Variants in USP26 observed in about 807,000 individuals in gnomAD.
USP26 encodes the protein ubiquitin specific peptidase 26.
For synonymous variants in USP26, 236 were observed against 240.6 expected, an observed-to-expected ratio of 0.98 and a Z score of 0.18; for missense variants, 649 against 642.3, an observed-to-expected ratio of 1.01 and a Z score of -0.11.
chrX:133,074,878 G>A (rs2067542446), intron 5 of USP26, among the ~76,000 whole-genome samples: 1 of 112,177 alleles, frequency 8.9e-6, no homozygotes, highest in African/African-American at 3.2e-5. Context: ...TACCAGGACA[G>A]AAGTAAAAAT....
chrX:133,042,488 C>T (rs2067423537), intron 5 of USP26, among the ~76,000 whole-genome samples: 1 of 111,439 alleles, frequency 9.0e-6, no homozygotes, highest in African/African-American at 3.3e-5. Context: ...TGAAGTAATG[C>T]CCCACCCTGC....
At position 133,045,105 on chromosome X, in the gene USP26, C is replaced by T. The variant is rs148450394; in HGVS notation, c.-76-16809G>A. On this transcript the variant is annotated intron_variant, in intron 5 of 5. Transcript: ENST00000511190. Reference sequence around the variant, plus strand: ...GCTGATCTGGTGGGGACTTAGAGAACCTTTTTGTCTAGCTAAGGGATTGTG... The same window carrying T: ...GCTGATCTGGTGGGGACTTAGAGAATCTTTTTGTCTAGCTAAGGGATTGTG... Among the ~76,000 whole-genome samples, 621 of 111,669 alleles carry T rather than the reference C, an allele frequency of 5.6e-3. 4 individuals carry two copies. Among genetic ancestry groups the T allele is most frequent in the East Asian group, 0.043 (153 of 3,533 alleles).
intron 5 of USP26, among the ~76,000 whole-genome samples, chrX:133,064,532 A>C (rs920972852): frequency 1.8e-5 from 2 of 111,981 alleles, no homozygotes; most frequent in Non-Finnish European, 3.8e-5. Context: ...AGCTTCTCAG[A>C]CCACAGTGCA....
chrX:133,042,436 G>C (rs1296157747), intron 5 of USP26, among the ~76,000 whole-genome samples: 1 of 111,359 alleles, frequency 9.0e-6, no homozygotes, highest in Admixed American at 9.5e-5. Flanking sequence ...GCCTTCCCTT[G>C]GCTGAGGGAG....
chrX:133,053,564 A>T (rs1320075855), intron 5 of USP26, among the ~76,000 whole-genome samples: 2 of 110,207 alleles, frequency 1.8e-5, no homozygotes, highest in Non-Finnish European at 3.8e-5. Flanking sequence ...GGAAAAAAAA[A>T]GTATAGAGGG....
At chrX:133,074,738 T>C (rs2067542041) in intron 5 of USP26, among the ~76,000 whole-genome samples, 1 of 112,524 alleles carries the variant, frequency 8.9e-6, no homozygotes, top group South Asian at 3.7e-4. Context: ...GTCCAAACTT[T>C]TAACACAGTG....
intron 5 of USP26, among the ~76,000 whole-genome samples, chrX:133,037,190 T>C (rs1478832209): frequency 8.9e-6 from 1 of 112,412 alleles, no homozygotes; most frequent in Admixed American, 9.4e-5. Flanking sequence ...TAGATCCCAT[T>C]TGTCAATTTT....
intron 4 of USP26, among the ~76,000 whole-genome samples, chrX:133,088,483 G>A (rs976082620): frequency 3.6e-5 from 4 of 111,148 alleles, no homozygotes; most frequent in Non-Finnish European, 5.7e-5. Context: ...TTGCTCGCCC[G>A]GCTGCTTACC....
At position 133,025,581 on chromosome X, in the gene USP26, GATGTACC is replaced by G. The variant is rs2067342608; in HGVS notation, c.2633_2639del (p.Gly878AlafsTer14). On this transcript the variant is annotated frameshift_variant, in exon 6 of 6. Coordinates refer to ENST00000511190, the MANE Select transcript of USP26 (RefSeq NM_031907.3). LOFTEE classifies it low-confidence loss of function (END_TRUNC). ...AGATCTCATTATGCATGTAAAAGAA[GATGTACC>G]CAGTGCAACGCCTATCCTCCTGCAT... 8.3e-7 allele frequency: 1 copy of G among 1,209,212 alleles called. No individual in the cohort carries two copies. The highest frequency in any genetic ancestry group is 1.8e-5 in the African/African-American group (1 of 56,967).
rs528056546 is a variant in USP26, at chrX:133,060,243, G to A, written c.-77+23464C>T. 8.9e-5 allele frequency among the ~76,000 whole-genome samples: 10 copies of A among 111,957 alleles called. No homozygotes were observed. In the South Asian group the frequency reaches 3.7e-3, roughly 42 times the overall value. ...GTCCTAATAATTCCTAATACCCTAT[G>A]GTTCTGCTCTGTTGAAATGCATTCT... On this transcript the variant is annotated intron_variant, in intron 5 of 5. Coordinates refer to ENST00000511190, the MANE Select transcript of USP26 (RefSeq NM_031907.3).
chrX:133,057,861 TATATA>T (rs1184631608), intron 5 of USP26, among the ~76,000 whole-genome samples: 1 of 23,593 alleles, frequency 4.2e-5, no homozygotes, highest in Non-Finnish European at 7.1e-5. Context: ...TATATATATA[TATATA>T]TTTTTTTTTT....
At chrX:133,081,030 C>T (rs2067568410) in intron 5 of USP26, among the ~76,000 whole-genome samples, 1 of 111,150 alleles carries the variant, frequency 9.0e-6, no homozygotes, top group Admixed American at 9.6e-5. Flanking sequence ...TCCCAGCTCA[C>T]ACACACTTCC....
chrX:133,067,711 A>G (rs947022668), intron 5 of USP26, among the ~76,000 whole-genome samples: 35 of 111,547 alleles, frequency 3.1e-4, no homozygotes, highest in Non-Finnish European at 6.4e-4. Context: ...CATCAGACAC[A>G]GGGGCCTCTC....
chrX:133,045,674 G>T (rs1418885178), intron 5 of USP26, among the ~76,000 whole-genome samples: 1 of 110,772 alleles, frequency 9.0e-6, no homozygotes, highest in African/African-American at 3.3e-5. Context: ...CTGCAGCTTC[G>T]CTCCTGAGCC....
At chrX:133,095,389 T>C (rs1346391542) in intron 1 of USP26, among the ~76,000 whole-genome samples, 2 of 111,842 alleles carry the variant, frequency 1.8e-5, no homozygotes, top group African/African-American at 3.2e-5. Context: ...AGCCAGATGA[T>C]TAAATTGTGC....
intron 5 of USP26, among the ~76,000 whole-genome samples, chrX:133,071,114 G>A (rs896409265): frequency 9.0e-6 from 1 of 110,914 alleles, no homozygotes; most frequent in Non-Finnish European, 1.9e-5. Flanking sequence ...CTACTGGAGA[G>A]GTTAAGGCAG....
chrX:133,042,268 T>C (rs1489404354), intron 5 of USP26, among the ~76,000 whole-genome samples: 1 of 110,943 alleles, frequency 9.0e-6, no homozygotes, highest in Admixed American at 9.6e-5. Context: ...AAATAAAAAC[T>C]CCTGCAGCTA....
At chrX:133,095,602 C>T (rs1221011578) in intron 1 of USP26, among the ~76,000 whole-genome samples, 1 of 111,425 alleles carries the variant, frequency 9.0e-6, no homozygotes, top group African/African-American at 3.3e-5. Flanking sequence ...TTTCCAATGC[C>T]AACAATATTT....
At chrX:133,094,275 G>A (rs1289188719) in intron 1 of USP26, among the ~76,000 whole-genome samples, 1 of 111,306 alleles carries the variant, frequency 9.0e-6, no homozygotes, top group Non-Finnish European at 1.9e-5. Flanking sequence ...ACACTGCGTG[G>A]CTAAGGGACA....
Sources: gnomAD v4.1 joint callset for allele counts (sites outside exome capture counted in the v4.1 genomes callset) on GRCh38, gnomAD v4.1.1 for gene constraint, MANE v1.5 for transcripts, NCBI Gene and HGNC (gene_info 2026-07-23, HGNC 2026-07-21) for gene names.